The following FRAS1 variants were observed in gnomAD, a reference collection of about 807,000 sequenced individuals.
FRAS1 encodes Fraser extracellular matrix complex subunit 1.
In FRAS1, 290 loss-of-function variants were observed where a neutral mutation model predicts 435.2. The ratio of observed to expected loss-of-function variants is 0.67; its 90% CI spans 0.61 to 0.73. The LOEUF (loss-of-function observed/expected upper bound fraction) is 0.73. FRAS1 is among the 30% of genes least tolerant of loss of function. The pLI is 0.00. For synonymous variants in FRAS1, 1,800 were observed against 1,851.0 expected (o/e 0.97, Z 0.71); for missense variants, 4,860 against 5,001.5 (o/e 0.97, Z 0.85).
chr4:78,267,682 C>T (rs547528232), intron 9 of FRAS1, among the ~76,000 whole-genome samples: 1 of 152,318 alleles, frequency 6.6e-6, no homozygotes, highest in African/African-American at 2.4e-5. Flanking sequence ...AGCCCCGAGC[C>T]AGAGACATGA....
chr4:78,304,969 G>A (rs1283092364), intron 14 of FRAS1, among the ~76,000 whole-genome samples: 1 of 152,056 alleles, frequency 6.6e-6, no homozygotes, highest in Non-Finnish European at 1.5e-5. Flanking sequence ...GTCAATTTTG[G>A]ATCTTTCCTG....
At chr4:78,087,877 T>C (rs1406207590) in intron 2 of FRAS1, among the ~76,000 whole-genome samples, 1 of 152,202 alleles carries the variant, frequency 6.6e-6, no homozygotes, top group Non-Finnish European at 1.5e-5. Context: ...TTCAATGCCA[T>C]CCTCATCAAA....
chr4:78,312,748 C>T (rs1374616441), intron 15 of FRAS1, among the ~76,000 whole-genome samples: 1 of 151,934 alleles, frequency 6.6e-6, no homozygotes, highest in Admixed American at 6.6e-5. Context: ...AGGAGAATCA[C>T]TTGAGCCTGA....
At chr4:78,063,532 T>C (rs1350688812) in intron 1 of FRAS1, among the ~76,000 whole-genome samples, 1 of 152,196 alleles carries the variant, frequency 6.6e-6, no homozygotes, top group Non-Finnish European at 1.5e-5. Flanking sequence ...ATTAATTCCT[T>C]TTCCTAATGA....
At chr4:78,203,774 G>T (rs563350945) in intron 2 of FRAS1, among the ~76,000 whole-genome samples, 1 of 152,156 alleles carries the variant, frequency 6.6e-6, no homozygotes, top group East Asian at 1.9e-4. Flanking sequence ...CACAATGTTA[G>T]CCAGGCTGGT....
At chr4:78,171,618 C>T (rs1026555367) in intron 2 of FRAS1, among the ~76,000 whole-genome samples, 22 of 152,104 alleles carry the variant, frequency 1.4e-4, no homozygotes, top group African/African-American at 5.1e-4. Flanking sequence ...GCTTCTCTTA[C>T]CACTCTTTCC....
chr4:78,322,590 C>T (rs371104494), intron 18 of FRAS1, among the ~76,000 whole-genome samples: 81 of 147,490 alleles, frequency 5.5e-4, no homozygotes, highest in Non-Finnish European at 1.1e-3. Flanking sequence ...AAGCAATTTA[C>T]TTAGACACTG....
At chr4:78,529,014 C>T (rs926732788) in intron 70 of FRAS1, among the ~76,000 whole-genome samples, 6 of 151,902 alleles carry the variant, frequency 3.9e-5, no homozygotes, top group African/African-American at 1.5e-4. Flanking sequence ...TGGTAGAGAG[C>T]GAGGTGCTGG....
chr4:78,304,155 C>G (rs1162873271), intron 14 of FRAS1, among the ~76,000 whole-genome samples: 1 of 149,884 alleles, frequency 6.7e-6, no homozygotes, highest in Non-Finnish European at 1.5e-5. Context: ...TGCTGGATTA[C>G]ATTTATTGAT....
At chr4:78,488,098 A>C (rs1016840512) in intron 58 of FRAS1, among the ~76,000 whole-genome samples, 20 of 152,208 alleles carry the variant, frequency 1.3e-4, no homozygotes, top group South Asian at 4.2e-4. Flanking sequence ...GTGCCACTGC[A>C]CTCCAGCCTG....
At chr4:78,422,172 CT>C (rs58237899) in intron 34 of FRAS1, among the ~76,000 whole-genome samples, 172 bp downstream of exon 34, 11 of 149,548 alleles carry the variant, frequency 7.4e-5, no homozygotes, top group South Asian at 2.1e-4. Context: ...TCAGTTCCAT[CT>C]TTTTTTTTTC....
chr4:78,217,508 A>C (rs1723821514), intron 2 of FRAS1, among the ~76,000 whole-genome samples: 1 of 152,128 alleles, frequency 6.6e-6, no homozygotes, highest in Non-Finnish European at 1.5e-5. Context: ...CAGAGGTGTC[A>C]GAGGAGCCCA....
intron 56 of FRAS1, among the ~76,000 whole-genome samples, chr4:78,481,551 C>T (rs1248987049): frequency 1.3e-5 from 2 of 152,202 alleles, no homozygotes; most frequent in African/African-American, 4.8e-5. Flanking sequence ...CCCCTAAGGG[C>T]TCTCTCCAGC....
At position 78,445,549 on chromosome 4, in the gene FRAS1, G is replaced by C; in HGVS notation, c.5693G>C (p.Ser1898Thr). 6.3e-7 allele frequency: 1 copy of C among 1,583,074 alleles called. No individual in the cohort carries two copies. The highest frequency in any genetic ancestry group is 1.2e-5 in the South Asian group (1 of 85,242). The change falls in exon 42 of 74, where the codon AGT (serine) becomes ACT (threonine). Residue 1898 changes from serine (S) to threonine (T), a missense_variant. Physicochemically the swap from Ser to Thr is moderately conservative, Grantham distance 58 (BLOSUM62 1). Coordinates refer to ENST00000512123, the MANE Select transcript of FRAS1 (RefSeq NM_025074.7). ...GATCGTTTTGGCCCTGAAACTGCCA[G>C]TGACCTAGAGGCATCATTTCCTATT... ...TGDRFGPETASDLEASFPIQD... is the reference protein window; with the variant it reads ...TGDRFGPETATDLEASFPIQD...
In FRAS1 at chr4:78,384,063, G is replaced by T. The variant is rs748725928; in HGVS notation, c.3568G>T (p.Gly1190Cys). ...FVHSKEKLRKGYLFLKISDQQ... is the reference protein window; with the variant it reads ...FVHSKEKLRKCYLFLKISDQQ... ...CTTTCTTTGGGACTTCTTTAGGAAA[G>T]GTTACCTTTTCCTGAAAATTAGTGA... The change falls in exon 28 of 74, where the codon GGT becomes TGT. Residue 1190 changes from glycine to cysteine, a missense_variant. Gly to Cys is a radical substitution (Grantham distance 159). Transcript: ENST00000512123. 3 of 1,605,040 alleles carry T rather than the reference G, an allele frequency of 1.9e-6. No homozygotes were observed. The highest frequency in any genetic ancestry group is 2.6e-6 in the Non-Finnish European group (3 of 1,175,440).
chr4:78,515,741 C>G (rs992164504), intron 65 of FRAS1, 58 bp from the exon 66 acceptor site: 8 of 1,532,350 alleles, frequency 5.2e-6, no homozygotes, highest in Non-Finnish European at 7.2e-6. Context: ...TTCACCCCAC[C>G]CTGCTCCTTG....
chr4:78,372,187 T>G (rs988724526), intron 23 of FRAS1, among the ~76,000 whole-genome samples: 1 of 152,238 alleles, frequency 6.6e-6, no homozygotes, highest in Non-Finnish European at 1.5e-5. Flanking sequence ...ATGCCCCATA[T>G]AATTCTGACA....
intron 5 of FRAS1, 61 bp downstream of exon 5, chr4:78,252,612 G>T: frequency 6.9e-7 from 1 of 1,441,848 alleles, no homozygotes; most frequent in Non-Finnish European, 9.5e-7. Context: ...GGCTATCGGG[G>T]GAACCAGCCC....
intron 50 of FRAS1, 84 bp from the exon 51 acceptor site, chr4:78,469,894 G>T: frequency 2.1e-6 from 2 of 949,688 alleles, no homozygotes; most frequent in Admixed American, 4.0e-5. Context: ...GCAGACTTCA[G>T]AGGTTACAGC....
Sources: allele counts gnomAD v4.1 joint callset (sites outside exome capture counted in the v4.1 genomes callset), GRCh38; gene constraint gnomAD v4.1.1; transcripts MANE v1.5; gene names NCBI Gene and HGNC (gene_info 2026-07-23, HGNC 2026-07-21).